Variants in SMIM36 observed in about 807,000 individuals in gnomAD.
The protein encoded by SMIM36 is small integral membrane protein 36.
chr17:55,453,311 G>GTAAATAAATAAATAAA lies in SMIM36; in HGVS notation c.*532-3029_*532-3014dup, dbSNP rs1010533696. Among the ~76,000 whole-genome samples, 593 of 152,084 alleles carry GTAAATAAATAAATAAA rather than the reference G, an allele frequency of 3.9e-3. 3 individuals carry two copies. Among genetic ancestry groups the GTAAATAAATAAATAAA allele is most frequent in the African/African-American group, 0.014 (568 of 41,414 alleles). On this transcript the variant is annotated intron_variant, in intron 4 of 4. Transcript: ENST00000636752. ...CAGCCTGGGTGACATAAATAAGTAA[G>GTAAATAAATAAATAAA]TAAATAAATAAATAAATAAAAAGTG...
At chr17:55,477,238 G>C (rs1018256014) in intron 3 of SMIM36, 1 of 152,190 alleles carries the variant, frequency 6.6e-6, no homozygotes, top group African/African-American at 2.4e-5. Flanking sequence ...GAAATGTATT[G>C]TTTCATAGTT....
intron 1 of SMIM36, among the ~76,000 whole-genome samples, chr17:55,494,621 C>A (rs377258910): frequency 6.6e-6 from 1 of 151,896 alleles, no homozygotes; most frequent in African/African-American, 2.4e-5. Flanking sequence ...TAAGAATATG[C>A]GTATGTGTAT....
chr17:55,510,574 C>A (rs115178188), intron 1 of SMIM36, among the ~76,000 whole-genome samples: 3,782 of 152,216 alleles, frequency 0.025, 167 homozygotes, highest in East Asian at 0.23. Context: ...GCATGGGCAA[C>A]AGAGCAAGAC....
rs1321985100 is a variant in SMIM36, at chr17:55,504,628, G to A, written c.*174+6251C>T. The stretch of plus-strand genomic sequence containing the variant: ...AATGCCCACAAGAGAAAGCAGGAAC[G>A]ATCCAAAATTGACACCCTAACATCA... On this transcript the variant is annotated intron_variant, in intron 1 of 4. Transcript: ENST00000636752. Among the ~76,000 whole-genome samples, 5 of 84,802 alleles carry A rather than the reference G, an allele frequency of 5.9e-5. 2 individuals carry two copies. Among genetic ancestry groups the A allele is most frequent in the African/African-American group, 1.6e-4 (2 of 12,230 alleles). The allele number at this position is 84,802 out of a possible 152,430, so 55.6% of individuals were successfully genotyped here.
At chr17:55,498,026 C>G (rs1304695185) in intron 1 of SMIM36, among the ~76,000 whole-genome samples, 1 of 152,164 alleles carries the variant, frequency 6.6e-6, no homozygotes, top group Non-Finnish European at 1.5e-5. Context: ...GTCAAGGCAT[C>G]AGCCAGGCCA....
chr17:55,497,624 G>T (rs1232691494), intron 1 of SMIM36, among the ~76,000 whole-genome samples: 2 of 152,094 alleles, frequency 1.3e-5, no homozygotes, highest in Non-Finnish European at 2.9e-5. Context: ...TACTTGGGAG[G>T]CTGAGGCAGG....
chr17:55,511,035 A>G (rs1910171419), exon 1 of SMIM36: 2 of 398,230 alleles, frequency 5.0e-6, no homozygotes, highest in South Asian at 1.3e-4. Context: ...GTCTCTCCCC[A>G]GTGTCCCTTA....
chr17:55,483,125 G>A (rs1409417899), intron 1 of SMIM36, among the ~76,000 whole-genome samples: 1 of 152,236 alleles, frequency 6.6e-6, no homozygotes, highest in Non-Finnish European at 1.5e-5. Flanking sequence ...AGTTCCTCAA[G>A]TTTACATAGG....
chr17:55,524,503 T>G, the SMIM36 span, among the ~76,000 whole-genome samples: 1 of 152,216 alleles, frequency 6.6e-6, no homozygotes, highest in African/African-American at 2.4e-5. Context: ...CACACTGCTT[T>G]CTGCAATAGG....
At chr17:55,485,708 A>T (rs950828257) in intron 1 of SMIM36, among the ~76,000 whole-genome samples, 1 of 152,218 alleles carries the variant, frequency 6.6e-6, no homozygotes, top group African/African-American at 2.4e-5. Context: ...GTGCTTGCTA[A>T]TGAAGTTCTA....
At chr17:55,452,089 G>C (rs930166751) in intron 4 of SMIM36, among the ~76,000 whole-genome samples, 6 of 94,486 alleles carry the variant, frequency 6.4e-5, no homozygotes, top group Admixed American at 5.3e-4. Context: ...GACAGCATAA[G>C]ACTCAATCTC....
At chr17:55,500,267 G>C (rs932912139) in intron 1 of SMIM36, among the ~76,000 whole-genome samples, 2 of 152,014 alleles carry the variant, frequency 1.3e-5, no homozygotes, top group Admixed American at 6.6e-5. Flanking sequence ...TGGGACTACA[G>C]GTGCCAGCCA....
Position 55,466,407 on chromosome 17 carries a change from G to A in SMIM36, c.*531+738C>T, listed in dbSNP as rs527707611. Among the ~76,000 whole-genome samples, 5 of 152,118 alleles carry A rather than the reference G, an allele frequency of 3.3e-5. No homozygotes were observed. The East Asian group carries it at 9.6e-4, about 29-fold the overall frequency. ...TGAGAAGTTAGGGCCAGCGTATGGA[G>A]AAATTTAGATGCTACGTGTGGGAGT... On this transcript the variant is annotated intron_variant, in intron 4 of 4. Transcript: ENST00000636752.
intron 1 of SMIM36, among the ~76,000 whole-genome samples, chr17:55,485,113 A>G (rs1909581785): frequency 6.6e-6 from 1 of 152,184 alleles, no homozygotes; most frequent in Non-Finnish European, 1.5e-5. Flanking sequence ...AAATGACATG[A>G]TATATATGAT....
At chr17:55,527,558 A>G in the SMIM36 span, among the ~76,000 whole-genome samples, 3 of 152,120 alleles carry the variant, frequency 2.0e-5, no homozygotes, top group Non-Finnish European at 2.9e-5. Context: ...CTGTCAGGGA[A>G]ACTGTGTTTT....
At chr17:55,498,058 G>A (rs981681140) in intron 1 of SMIM36, among the ~76,000 whole-genome samples, 8 of 152,192 alleles carry the variant, frequency 5.3e-5, no homozygotes, top group African/African-American at 1.7e-4. Flanking sequence ...AAGGTACCAC[G>A]GAAGGATGTA....
chr17:55,459,532 A>G (rs531752158), intron 4 of SMIM36, among the ~76,000 whole-genome samples: 28 of 152,314 alleles, frequency 1.8e-4, no homozygotes, highest in African/African-American at 6.5e-4. Context: ...GGGTAGGTCT[A>G]CTGTTAGAAA....
At chr17:55,501,865 G>T (rs888915478) in intron 1 of SMIM36, among the ~76,000 whole-genome samples, 1 of 134,794 alleles carries the variant, frequency 7.4e-6, no homozygotes, top group Non-Finnish European at 1.6e-5. Flanking sequence ...CAGGCCAGTG[G>T]GTGCGCGCAC....
At position 55,500,900 on chromosome 17, in the gene SMIM36, TTATATTATAA is replaced by T. The variant is rs1423341554; in HGVS notation, c.*174+9969_*174+9978del. ...ATTTTATAATATATATTATAATATA[TTATATTATAA>T]TATATTATAATATATTATATTTTAT... On this transcript the variant is annotated intron_variant, in intron 1 of 4. Transcript: ENST00000636752. Among the ~76,000 whole-genome samples the T allele has an allele frequency of 3.5e-4, 6 of 17,110 alleles. 2 individuals carry two copies. The highest frequency in any genetic ancestry group is 4.4e-4 in the Non-Finnish European group (6 of 13,680). 11.2% of individuals were successfully genotyped at this position (17,110 alleles called of 152,430 possible).
Sources: allele counts gnomAD v4.1 joint callset (sites outside exome capture counted in the v4.1 genomes callset), GRCh38; gene constraint gnomAD v4.1.1; transcripts MANE v1.5; gene names NCBI Gene and HGNC (gene_info 2026-07-23, HGNC 2026-07-21).